The following ADGRA3 variants were observed in gnomAD, a reference collection of about 807,000 sequenced individuals.
The protein encoded by ADGRA3 is G-protein coupled receptor 125.
In ADGRA3, 56 loss-of-function variants were observed where a neutral mutation model predicts 119.8. The ratio of observed to expected loss-of-function variants is 0.47; its 90% CI spans 0.38 to 0.58. The LOEUF (loss-of-function observed/expected upper bound fraction) is 0.58. Ranked by LOEUF, ADGRA3 falls within the 20% of genes least tolerant of loss-of-function variation. ADGRA3 has a pLI of 0.00. For missense variants in ADGRA3, 1,516 were observed against 1,649.0 expected (o/e 0.92, Z 1.40); for synonymous variants, 607 against 623.8 (o/e 0.97, Z 0.40).
At chr4:22,513,938 A>G (rs1019839357) in intron 1 of ADGRA3, among the ~76,000 whole-genome samples, 1 of 151,892 alleles carries the variant, frequency 6.6e-6, no homozygotes, top group Non-Finnish European at 1.5e-5. Flanking sequence ...TTGTAGAAAA[A>G]TAGTTTAATT....
chr4:22,510,513 T>C (rs866305040), intron 1 of ADGRA3, among the ~76,000 whole-genome samples: 3 of 152,058 alleles, frequency 2.0e-5, no homozygotes, highest in Non-Finnish European at 4.4e-5. Context: ...TGGTTCTGCC[T>C]GGGTCACCTC....
At chr4:22,504,322 C>A (rs916677368) in intron 1 of ADGRA3, among the ~76,000 whole-genome samples, 1 of 152,108 alleles carries the variant, frequency 6.6e-6, no homozygotes, top group East Asian at 1.9e-4. Context: ...AATGATGAGG[C>A]GCTAAAAGAA....
chr4:22,427,222 TTTA>T (rs1273219191), intron 10 of ADGRA3, among the ~76,000 whole-genome samples: 1 of 152,170 alleles, frequency 6.6e-6, no homozygotes, highest in Non-Finnish European at 1.5e-5. Flanking sequence ...AAATATTGAT[TTTA>T]TTGTAAGGCA....
intron 14 of ADGRA3, among the ~76,000 whole-genome samples, chr4:22,406,722 C>T (rs1049772475): frequency 4.6e-5 from 7 of 151,994 alleles, no homozygotes; most frequent in African/African-American, 1.7e-4. Context: ...TTTTGACCTG[C>T]CCACACGCAA....
chr4:22,455,920 A>G, intron 3 of ADGRA3: 1 of 790,400 alleles, frequency 1.3e-6, no homozygotes, highest in Non-Finnish European at 1.8e-6. Flanking sequence ...GGAATAATTC[A>G]TCACACTTTG....
At chr4:22,450,951 A>ATAT (rs1553877239) in intron 4 of ADGRA3, among the ~76,000 whole-genome samples, 321 of 122,758 alleles carry the variant, frequency 2.6e-3, no homozygotes, top group South Asian at 0.011. Context: ...AAAAAAAAAA[A>ATAT]ATATATATAT....
At chr4:22,497,947 A>G (rs958444932) in intron 1 of ADGRA3, among the ~76,000 whole-genome samples, 28 of 151,180 alleles carry the variant, frequency 1.9e-4, no homozygotes, top group Non-Finnish European at 3.4e-4. Flanking sequence ...CCATCTAAAA[A>G]AAAAAAAAAA....
chr4:22,472,301 C>T (rs576788429), intron 2 of ADGRA3, among the ~76,000 whole-genome samples: 5 of 152,268 alleles, frequency 3.3e-5, no homozygotes, highest in South Asian at 4.2e-4. Context: ...AGTCTTGCTT[C>T]GACAGGTCCT....
chr4:22,494,182 G>A (rs1718729458), intron 1 of ADGRA3, among the ~76,000 whole-genome samples: 1 of 150,898 alleles, frequency 6.6e-6, no homozygotes, highest in African/African-American at 2.5e-5. Flanking sequence ...TCCAGCCTGG[G>A]CGACAGAGCA....
chr4:22,497,721 G>A (rs1036640590), intron 1 of ADGRA3, among the ~76,000 whole-genome samples: 1 of 142,840 alleles, frequency 7.0e-6, no homozygotes, highest in Non-Finnish European at 1.5e-5. Flanking sequence ...TACTTGAGGC[G>A]TACGTTACAG....
intron 1 of ADGRA3, among the ~76,000 whole-genome samples, chr4:22,487,346 C>T (rs1480872926): frequency 6.6e-6 from 1 of 152,152 alleles, no homozygotes; most frequent in Non-Finnish European, 1.5e-5. Context: ...ATTTCAAAGG[C>T]ATTAGATTCT....
intron 14 of ADGRA3, among the ~76,000 whole-genome samples, chr4:22,410,703 C>T (rs866901330): frequency 2.8e-4 from 42 of 152,098 alleles, no homozygotes; most frequent in South Asian, 1.2e-3. Flanking sequence ...TTTTTCAATC[C>T]TAAACATAAC....
chr4:22,491,648 G>C (rs1040020763), intron 1 of ADGRA3, among the ~76,000 whole-genome samples: 3 of 151,980 alleles, frequency 2.0e-5, no homozygotes, highest in Non-Finnish European at 4.4e-5. Flanking sequence ...AATCCTCAGG[G>C]TCCTTTAAGC....
chr4:22,394,087 T>C (rs1714250935), intron 16 of ADGRA3: 1 of 152,168 alleles, frequency 6.6e-6, no homozygotes, highest in Admixed American at 6.5e-5. Flanking sequence ...TCTTAACCAG[T>C]AACTTGCTTT....
rs868796417 is a variant in ADGRA3 at position 22,513,860 on chromosome 4, A to C, written c.257+1668T>G. On this transcript the variant is annotated intron_variant, in intron 1 of 18. Transcript: ENST00000334304. ...AGCTTTCAGGCAAAAAAAAAAAAAA[A>C]AAAAAAAAAAAAAACTGGATTGAAA... Among the ~76,000 whole-genome samples the C allele has an allele frequency of 8.5e-5, 12 of 141,656 alleles. No homozygotes were observed. The East Asian group carries it at 8.5e-4, about 10-fold the overall frequency. 92.9% of individuals were successfully genotyped at this position (141,656 alleles called of 152,430 possible).
Position 22,388,413 on chromosome 4 carries a change from T to C in ADGRA3, c.3258A>G (p.Ala1086=). 6.2e-7 allele frequency: 1 copy of C among 1,614,050 alleles called. No individual in the cohort carries two copies. The highest frequency in any genetic ancestry group is 8.5e-7 in the Non-Finnish European group (1 of 1,179,988). The part of the protein sequence containing the change: ...PPNSNGTNGE[A]PKCPNSSAES... ...CCGCACTGCTATTGGGGCATTTGGGTGCCTCTCCATTCGTCCCATTAGAGT... is the reference window on the plus strand; with the variant it reads ...CCGCACTGCTATTGGGGCATTTGGGCGCCTCTCCATTCGTCCCATTAGAGT... Residue 1086 remains alanine (A), a synonymous_variant, in exon 19 of 19, where the codon GCA becomes GCG. Transcript: ENST00000334304.
In ADGRA3 at chr4:22,387,834, T is replaced by G. The variant is rs1274857391; in HGVS notation, c.3837A>C (p.Lys1279Asn). 1.2e-6 allele frequency: 2 copies of G among 1,613,992 alleles called. No individual in the cohort carries two copies. Among genetic ancestry groups the G allele is most frequent in the Non-Finnish European group, 1.7e-6 (2 of 1,179,998 alleles). Reference sequence around the variant, plus strand: ...GAATGGCCAAGTTGAGGCCATAAGATTTTTGCTGATTTTCAAGTTCAACCA... The same window carrying G: ...GAATGGCCAAGTTGAGGCCATAAGAGTTTTGCTGATTTTCAAGTTCAACCA... ...PAVVELENQQ[K>N]SYGLNLAIQN... Residue 1279 changes from lysine to asparagine, a missense_variant, in exon 19 of 19, where the codon AAA becomes AAC. Physicochemically the swap from Lys to Asn is moderately conservative, Grantham distance 94. This residue lies in a region of ADGRA3 where 1,088 missense variants were observed against 1,107.1 expected (regional missense o/e 0.98). Transcript: ENST00000334304.
chr4:22,458,045 T>C (rs1231210048), intron 3 of ADGRA3, among the ~76,000 whole-genome samples: 1 of 152,162 alleles, frequency 6.6e-6, no homozygotes, highest in African/African-American at 2.4e-5. Context: ...TTCCTCCCAT[T>C]GAGGGAAAAA....
intron 10 of ADGRA3, among the ~76,000 whole-genome samples, chr4:22,435,096 C>A (rs1415278934): frequency 6.6e-6 from 1 of 152,160 alleles, no homozygotes; most frequent in Non-Finnish European, 1.5e-5. Context: ...TGGACCTTAA[C>A]GTCCAAGAAC....
Sources: allele counts gnomAD v4.1 joint callset (sites outside exome capture counted in the v4.1 genomes callset), GRCh38; gene constraint gnomAD v4.1.1; regional missense constraint gnomAD v4.1.1; transcripts MANE v1.5; gene names NCBI Gene and HGNC (gene_info 2026-07-23, HGNC 2026-07-21).